SPARCL1: variants seen among roughly 807,000 people sequenced by gnomAD.
The protein encoded by SPARCL1 is SPARC like 1.
SPARCL1 carries 52 observed loss-of-function variants against 67.1 expected under a neutral mutation model. That is an observed-to-expected ratio of 0.78 (90% CI 0.62 to 0.98). The LOEUF is 0.98. SPARCL1 is among the 50% of genes least tolerant of loss of function. The pLI is 0.00. For synonymous variants in SPARCL1, 226 were observed against 267.8 expected (o/e 0.84, Z 1.52); for missense variants, 717 against 782.4 (o/e 0.92, Z 1.00).
chr4:87,488,436 A>G (rs1724164859), intron 7 of SPARCL1, among the ~76,000 whole-genome samples: 1 of 152,170 alleles, frequency 6.6e-6, no homozygotes, highest in Non-Finnish European at 1.5e-5. Context: ...TCAGAACAGC[A>G]AACATTGCTG....
chr4:87,483,279 C>A (rs1234062260), intron 7 of SPARCL1, among the ~76,000 whole-genome samples: 1 of 152,050 alleles, frequency 6.6e-6, no homozygotes, highest in Admixed American at 6.6e-5. Flanking sequence ...ATGTTCCCCT[C>A]CCTGTGTCCA....
intron 1 of SPARCL1, among the ~76,000 whole-genome samples, chr4:87,506,828 C>CTATCTAT (rs1725105786): frequency 2.7e-5 from 4 of 146,144 alleles, no homozygotes; most frequent in Admixed American, 6.8e-5. Flanking sequence ...TATCTATCTA[C>CTATCTAT]CTACCTACCT....
At chr4:87,506,508 G>A (rs1725078193) in intron 1 of SPARCL1, among the ~76,000 whole-genome samples, 2 of 152,152 alleles carry the variant, frequency 1.3e-5, no homozygotes, top group South Asian at 4.1e-4. Context: ...AAAAAGGCAG[G>A]GGAAGGGAGA....
At chr4:87,510,754 C>T (rs1725313653) in intron 1 of SPARCL1, among the ~76,000 whole-genome samples, 1 of 152,262 alleles carries the variant, frequency 6.6e-6, no homozygotes, top group African/African-American at 2.4e-5. Context: ...AAAAGGCGGT[C>T]GCACTGGCCC....
At chr4:87,517,910 G>A (rs994100521) in intron 1 of SPARCL1, among the ~76,000 whole-genome samples, 2 of 152,198 alleles carry the variant, frequency 1.3e-5, no homozygotes, top group African/African-American at 4.8e-5. Context: ...GAATAATGGT[G>A]TACTTTGATG....
At chr4:87,520,430 T>C (rs1047921528) in intron 1 of SPARCL1, among the ~76,000 whole-genome samples, 5 of 152,114 alleles carry the variant, frequency 3.3e-5, no homozygotes, top group African/African-American at 9.7e-5. Context: ...GCCTGACTAA[T>C]GGATCCTTGA....
Position 87,480,383 on chromosome 4 carries a change from G to A in SPARCL1, c.1806C>T (p.His602=). 1 of 1,603,564 alleles carries A rather than the reference G, an allele frequency of 6.2e-7. No individual in the cohort carries two copies. The highest frequency in any genetic ancestry group is 8.5e-7 in the Non-Finnish European group (1 of 1,175,350). ...VHWQFSELDQ[H]PMDRVLTHSE... Reference sequence around the variant, plus strand: ...TAAAGAGTTCTTACCTATCCATAGGGTGTTGGTCAAGTTCACTAAACTGCC... The same window carrying A: ...TAAAGAGTTCTTACCTATCCATAGGATGTTGGTCAAGTTCACTAAACTGCC... Residue 602 remains histidine, a synonymous_variant, in exon 9 of 11, where the codon CAC becomes CAT. Coordinates refer to ENST00000282470, the MANE Select transcript of SPARCL1 (RefSeq NM_004684.6).
At chr4:87,502,182 A>G (rs1437533705) in intron 1 of SPARCL1, among the ~76,000 whole-genome samples, 4 of 152,176 alleles carry the variant, frequency 2.6e-5, no homozygotes, top group Non-Finnish European at 5.9e-5. Context: ...ACAAATAACA[A>G]TTATACATAT....
chr4:87,491,798 T>A (rs1373487982), intron 4 of SPARCL1, 108 bp from the exon 5 acceptor site: 2 of 846,304 alleles, frequency 2.4e-6, no homozygotes, highest in Admixed American at 1.9e-5. Context: ...GCTCAAATCA[T>A]TTCAAATCTC....
At chr4:87,473,829 A>C (rs527541974) in intron 10 of SPARCL1, 26 bp from the exon 11 acceptor site, 2 of 1,568,012 alleles carry the variant, frequency 1.3e-6, no homozygotes, top group East Asian at 2.2e-5. Flanking sequence ...AAGCAAAATG[A>C]CACTTTTAGA....
chr4:87,490,646 C>G, intron 6 of SPARCL1, 114 bp downstream of exon 6: 1 of 784,992 alleles, frequency 1.3e-6, no homozygotes, highest in African/African-American at 1.7e-5. Flanking sequence ...CCCAAATAAC[C>G]AAATGATAAC....
chr4:87,491,809 A>G (rs772800766), intron 4 of SPARCL1, 119 bp from the exon 5 acceptor site: 51 of 783,402 alleles, frequency 6.5e-5, no homozygotes, highest in Middle Eastern at 4.8e-4. Flanking sequence ...TTCAAATCTC[A>G]GAAAGGGAAA....
chr4:87,491,156 C>T (rs1393982284), intron 5 of SPARCL1, among the ~76,000 whole-genome samples: 1 of 152,180 alleles, frequency 6.6e-6, no homozygotes, highest in East Asian at 1.9e-4. Context: ...AAAGAACAGA[C>T]AGCTCTTCTA....
intron 1 of SPARCL1, among the ~76,000 whole-genome samples, chr4:87,507,944 G>T (rs1304572490): frequency 1.3e-5 from 2 of 152,234 alleles, no homozygotes; most frequent in Non-Finnish European, 2.9e-5. Flanking sequence ...AAAGATACAA[G>T]TGAAGAGATG....
chr4:87,478,375 TTG>T (rs144027566), intron 10 of SPARCL1, among the ~76,000 whole-genome samples: 9 of 151,410 alleles, frequency 5.9e-5, no homozygotes, highest in South Asian at 2.1e-4. Flanking sequence ...ACTATCATTT[TTG>T]TGTGTGTGTG....
rs1485281684 is a variant in SPARCL1 at position 87,494,349 on chromosome 4, A to G, written c.451T>C (p.Ser151Pro). ...LAPGVSSFTD[S>P]NQQESITKRE... ...TTTGTGATACTTTCTTGTTGGTTAGAATCTGTGAAGGAACTAACACCAGGA... is the reference window on the plus strand; with the variant it reads ...TTTGTGATACTTTCTTGTTGGTTAGGATCTGTGAAGGAACTAACACCAGGA... Residue 151 changes from serine (S) to proline (P), a missense_variant, in exon 4 of 11, where the codon TCT (serine) becomes CCT (proline). Physicochemically the swap from Ser to Pro is moderately conservative, Grantham distance 74 (BLOSUM62 -1). Transcript: ENST00000282470. The G allele has an allele frequency of 6.2e-7, 1 of 1,614,140 alleles. No individual in the cohort carries two copies. Among genetic ancestry groups the G allele is most frequent in the East Asian group, 2.2e-5 (1 of 44,876 alleles).
At chr4:87,516,239 A>C (rs893626935) in intron 1 of SPARCL1, among the ~76,000 whole-genome samples, 2 of 152,138 alleles carry the variant, frequency 1.3e-5, no homozygotes, top group Non-Finnish European at 2.9e-5. Flanking sequence ...AGATCAGCTC[A>C]TCTCCTAGCT....
chr4:87,482,564 T>C lies in SPARCL1; in HGVS notation c.1532-4A>G. The C allele has an allele frequency of 4.3e-6, 7 of 1,613,834 alleles. No homozygotes were observed. On this transcript the variant is annotated splice_region_variant and splice_polypyrimidine_tract_variant and intron_variant, in intron 7 of 10. Transcript: ENST00000282470. Reference sequence around the variant, plus strand: ...AAGTCCGTACAAGTAGGAATAGCTGTTACAAGCAGAAAATGTACTGTAATC... The same window carrying C: ...AAGTCCGTACAAGTAGGAATAGCTGCTACAAGCAGAAAATGTACTGTAATC...
At chr4:87,520,370 G>A (rs1255323666) in intron 1 of SPARCL1, among the ~76,000 whole-genome samples, 3 of 151,818 alleles carry the variant, frequency 2.0e-5, no homozygotes, top group South Asian at 2.1e-4. Context: ...TCATCTTGCC[G>A]GAAAAAAAAG....
Sources: allele counts gnomAD v4.1 joint callset (sites outside exome capture counted in the v4.1 genomes callset), GRCh38; gene constraint gnomAD v4.1.1; transcripts MANE v1.5; gene names NCBI Gene and HGNC (gene_info 2026-07-23, HGNC 2026-07-21).